Variants in ANKRD36 observed in about 807,000 individuals in gnomAD.
ANKRD36 encodes ankyrin repeat domain 36.
A neutral mutation model predicts 278.1 loss-of-function variants in ANKRD36; 179 were observed. The observed-to-expected ratio is 0.64, with a 90% CI of 0.57 to 0.73. The LOEUF (loss-of-function observed/expected upper bound fraction) is 0.73, where lower values mean the gene tolerates loss of function less well. Ranked by LOEUF, ANKRD36 falls within the 30% of genes least tolerant of loss-of-function variation. The pLI, the probability that ANKRD36 is intolerant of heterozygous loss-of-function variation, is 0.00. For missense variants in ANKRD36, 1,159 were observed against 1,956.7 expected (o/e 0.59, Z 7.69); for synonymous variants, 320 against 641.1 (o/e 0.50, Z 7.57).
intron 52 of ANKRD36, 62 bp downstream of exon 52, chr2:97,206,197 C>G (rs1281624017): frequency 6.9e-6 from 10 of 1,442,942 alleles, no homozygotes; most frequent in Admixed American, 2.4e-5. Context: ...TTCTCTTCCC[C>G]AAGTAAATCA....
Position 97,144,537 on chromosome 2 carries a change from G to A in ANKRD36, c.921G>A (p.Pro307=), listed in dbSNP as rs766369946. Residue 307 remains proline, a synonymous_variant, in exon 9 of 76, where the codon CCG becomes CCA. Coordinates refer to ENST00000420699, the MANE Select transcript of ANKRD36 (RefSeq NM_001354587.1). ...KSGTVSSQKQ[P]ALKDTSDKDD... Reference sequence around the variant, plus strand: ...TTTCAGTGTCTTCTCAGAAACAACCGGCCTTGAAGGTATTATACTCTCATT... The same window carrying A: ...TTTCAGTGTCTTCTCAGAAACAACCAGCCTTGAAGGTATTATACTCTCATT... 1.8e-5 allele frequency: 28 copies of A among 1,599,164 alleles called. No homozygotes were observed. Among genetic ancestry groups the A allele is most frequent in the African/African-American group, 2.7e-5 (2 of 74,860 alleles).
intron 60 of ANKRD36, among the ~76,000 whole-genome samples, chr2:97,215,005 CATTTGTCCTCATCACTCGGCATATCCTTA>C (rs2153635934): frequency 6.7e-6 from 1 of 148,810 alleles, no homozygotes; most frequent in Admixed American, 6.8e-5. Flanking sequence ...TTTTAGACCA[CATTTGTCCTCATCACTCGGCATATCCTTA>C]TTGAAATTGA....
intron 44 of ANKRD36, among the ~76,000 whole-genome samples, chr2:97,199,467 A>G (rs1376377975): frequency 3.3e-5 from 5 of 151,916 alleles, no homozygotes; most frequent in Non-Finnish European, 4.4e-5. Context: ...GAATAACACG[A>G]TACTCCCAAC....
intron 42 of ANKRD36, among the ~76,000 whole-genome samples, chr2:97,197,821 A>C (rs1283126642): frequency 6.6e-5 from 10 of 151,894 alleles, no homozygotes; most frequent in Non-Finnish European, 2.9e-5. Flanking sequence ...CTGGATGAAG[A>C]AAATTTCGGA....
intron 75 of ANKRD36, among the ~76,000 whole-genome samples, chr2:97,256,437 G>T (rs2076231291): frequency 6.6e-6 from 1 of 150,650 alleles, no homozygotes; most frequent in Non-Finnish European, 1.5e-5. Context: ...ATTCAGTCTT[G>T]GTAAGTTGTA....
At chr2:97,175,112 C>T (rs2053843469) in intron 22 of ANKRD36, among the ~76,000 whole-genome samples, 1 of 149,774 alleles carries the variant, frequency 6.7e-6, no homozygotes. Context: ...CTCTGCCTGG[C>T]TTTGGTATCA....
At chr2:97,114,009 G>A (rs2034372148) in intron 1 of ANKRD36, 73 bp downstream of exon 1, 8 of 1,553,020 alleles carry the variant, frequency 5.2e-6, no homozygotes, top group Non-Finnish European at 7.0e-6. Flanking sequence ...TCCAGGCTGA[G>A]GGCTGCGGGG....
At position 97,245,659 on chromosome 2, in the gene ANKRD36, A is replaced by AAACT. The variant is rs2075300801; in HGVS notation, c.4995_4998dup (p.Glu1667AsnfsTer2). On this transcript the variant is annotated frameshift_variant, in exon 71 of 76. Transcript: ENST00000420699. LOFTEE classifies it high-confidence loss of function. ...GCTGAGAGTAAGTCCAGAGTCCTCA[A>AAACT]AACTGAGCTCCATTACACAGGAGAG... 9.3e-6 allele frequency: 14 copies of AAACT among 1,500,118 alleles called. No individual in the cohort carries two copies. The highest frequency in any genetic ancestry group is 1.2e-5 in the Non-Finnish European group (14 of 1,120,012). 92.9% of individuals were successfully genotyped at this position (1,500,118 alleles called of 1,614,324 possible).
chr2:97,209,955 C>T lies in ANKRD36; in HGVS notation c.3367+83C>T, dbSNP rs905555886. On this transcript the variant is annotated intron_variant, in intron 56 of 75. Transcript: ENST00000420699. ...TCCCTGAATAAATCAGCGGAGGGCT[C>T]GTTGAAGCTGCACATTCTGATTCAG... 1.2e-5 allele frequency: 18 copies of T among 1,496,306 alleles called. 1 individual carries two copies. The highest frequency in any genetic ancestry group is 1.0e-4 in the East Asian group (4 of 39,392). 92.7% of individuals were successfully genotyped at this position (1,496,306 alleles called of 1,614,324 possible).
chr2:97,260,444 ACG>A (rs1379033837), intron 75 of ANKRD36, among the ~76,000 whole-genome samples: 1 of 135,198 alleles, frequency 7.4e-6, no homozygotes, highest in African/African-American at 2.8e-5. Flanking sequence ...ACACACACAC[ACG>A]TTTTCTGGAC....
chr2:97,130,645 TA>T (rs35126747), intron 6 of ANKRD36, among the ~76,000 whole-genome samples: 89,403 of 151,784 alleles, frequency 0.59, 30,564 homozygotes, highest in Non-Finnish European at 0.78. Context: ...ATGTCTTTTA[TA>T]ATAATGTCAT....
intron 20 of ANKRD36, among the ~76,000 whole-genome samples, chr2:97,164,881 G>A (rs183108360): frequency 4.3e-4 from 65 of 152,124 alleles, no homozygotes; most frequent in Admixed American, 7.9e-4. Context: ...TTTCAGCGTT[G>A]TTACATTGAG....
intron 30 of ANKRD36, 55 bp downstream of exon 30, chr2:97,185,565 C>T: frequency 1.3e-6 from 2 of 1,571,088 alleles, no homozygotes; most frequent in Non-Finnish European, 8.7e-7. Context: ...AAAAGAACTT[C>T]TCTTCCCTGA....
At chr2:97,164,554 A>G in intron 20 of ANKRD36, 85 bp downstream of exon 20, 2 of 1,427,610 alleles carry the variant, frequency 1.4e-6, no homozygotes, top group Non-Finnish European at 1.9e-6. Context: ...CCCACTTTTT[A>G]TCCAAGTGAG....
intron 15 of ANKRD36, among the ~76,000 whole-genome samples, chr2:97,156,684 T>C (rs1486296474): frequency 4.3e-5 from 6 of 139,442 alleles, no homozygotes; most frequent in Admixed American, 7.4e-5. Flanking sequence ...TAAACATACG[T>C]GTGCATGTGT....
intron 8 of ANKRD36, among the ~76,000 whole-genome samples, chr2:97,144,122 TC>T (rs2043622799): frequency 6.6e-6 from 1 of 152,146 alleles, no homozygotes. Flanking sequence ...ATGGTATAAA[TC>T]CCTCTGATGT....
intron 14 of ANKRD36, among the ~76,000 whole-genome samples, chr2:97,153,780 T>G (rs1026655889): frequency 2.0e-5 from 3 of 147,612 alleles, no homozygotes; most frequent in African/African-American, 7.3e-5. Context: ...TTTGAAGATG[T>G]AGATTGGAGA....
chr2:97,217,304 T>C lies in ANKRD36; in HGVS notation c.3707T>C (p.Ile1236Thr), dbSNP rs1558867050. ...TTTGTTTCTCTTTCCATTCAGGTTA[T>C]ATTTAAAAAGAAAGTTTCTCTTTTG... ...SPQKQSAQKVIFKKKVSLLNI... is the reference protein window; with the variant it reads ...SPQKQSAQKVTFKKKVSLLNI... Residue 1236 changes from isoleucine to threonine, a missense_variant, in exon 64 of 76, where the codon ATA (isoleucine) becomes ACA (threonine). Coordinates refer to ENST00000420699, the MANE Select transcript of ANKRD36 (RefSeq NM_001354587.1). 3 of 1,550,280 alleles carry C rather than the reference T, an allele frequency of 1.9e-6. No individual in the cohort carries two copies. Among genetic ancestry groups the C allele is most frequent in the East Asian group, 2.5e-5 (1 of 40,494 alleles).
intron 75 of ANKRD36, among the ~76,000 whole-genome samples, chr2:97,258,956 T>C (rs1266673477): frequency 1.4e-5 from 2 of 144,892 alleles, no homozygotes; most frequent in Non-Finnish European, 3.0e-5. Context: ...ATATGCTTGC[T>C]AGGCCTTTTT....
Sources: allele counts gnomAD v4.1 joint callset (sites outside exome capture counted in the v4.1 genomes callset), GRCh38; gene constraint gnomAD v4.1.1; transcripts MANE v1.5; gene names NCBI Gene and HGNC (gene_info 2026-07-23, HGNC 2026-07-21).